CIMIP5: variants seen among roughly 807,000 people sequenced by gnomAD.
The protein encoded by CIMIP5 is ciliary microtubule inner protein 5.
the CIMIP5 span, chr2:11,144,901 A>T: frequency 6.6e-6 from 1 of 151,648 alleles, no homozygotes; most frequent in Admixed American, 6.6e-5. Flanking sequence ...TGTAGCCTTG[A>T]ACTCCCGGGC....
chr2:11,150,639 A>AT, the CIMIP5 span, among the ~76,000 whole-genome samples: 3 of 126,122 alleles, frequency 2.4e-5, no homozygotes, highest in Admixed American at 1.6e-4. Context: ...GTGGTTTAGG[A>AT]ATTTTTTTTT....
At chr2:11,144,239 A>G in the CIMIP5 span, 3 of 719,340 alleles carry the variant, frequency 4.2e-6, no homozygotes, top group African/African-American at 1.8e-5. Context: ...AAGCTGCAGG[A>G]CACTCTTCCA....
the CIMIP5 span, among the ~76,000 whole-genome samples, chr2:11,139,397 A>G: frequency 1.3e-5 from 2 of 152,202 alleles, no homozygotes; most frequent in Admixed American, 1.3e-4. Context: ...GAGGATGGGG[A>G]CAGAGAAGGC....
At chr2:11,149,235 C>T in the CIMIP5 span, among the ~76,000 whole-genome samples, 3 of 151,388 alleles carry the variant, frequency 2.0e-5, no homozygotes, top group Non-Finnish European at 4.4e-5. Flanking sequence ...TCACCAATAA[C>T]AGGACAGCTG....
the CIMIP5 span, among the ~76,000 whole-genome samples, chr2:11,141,671 C>T: frequency 6.6e-6 from 1 of 152,086 alleles, no homozygotes; most frequent in East Asian, 1.9e-4. Flanking sequence ...CCAATTTCAC[C>T]AGCTGTGAAC....
At chr2:11,140,391 A>AG in the CIMIP5 span, 6 of 637,238 alleles carry the variant, frequency 9.4e-6, no homozygotes, top group Non-Finnish European at 1.5e-5. Flanking sequence ...AAAAAAAAAA[A>AG]AAAAAAATTA....
the CIMIP5 span, chr2:11,143,833 G>A: frequency 2.6e-6 from 3 of 1,154,344 alleles, no homozygotes; most frequent in East Asian, 2.9e-5. Flanking sequence ...CACAAAGAGA[G>A]GCAGCTGCTC....
chr2:11,146,527 G>A, the CIMIP5 span: 1 of 152,198 alleles, frequency 6.6e-6, no homozygotes, highest in African/African-American at 2.4e-5. Context: ...TAGATCATCG[G>A]TGTTTCCAGG....
At chr2:11,141,055 C>A in the CIMIP5 span, among the ~76,000 whole-genome samples, 5 of 151,760 alleles carry the variant, frequency 3.3e-5, no homozygotes, top group Non-Finnish European at 7.4e-5. Flanking sequence ...CTTACAAAGC[C>A]TCCTGTGATC....
chr2:11,134,935 G>A, the CIMIP5 span, among the ~76,000 whole-genome samples: 1,470 of 152,244 alleles, frequency 9.7e-3, 18 homozygotes, highest in African/African-American at 0.034. Context: ...TTCTGGTAAG[G>A]GCCTCAGGAA....
chr2:11,151,708 C>T, the CIMIP5 span, among the ~76,000 whole-genome samples: 1 of 152,216 alleles, frequency 6.6e-6, no homozygotes, highest in Non-Finnish European at 1.5e-5. Flanking sequence ...CGATCTCGGC[C>T]CAGTGCAACC....
chr2:11,143,126 G>A, the CIMIP5 span, among the ~76,000 whole-genome samples: 194 of 152,286 alleles, frequency 1.3e-3, no homozygotes, highest in African/African-American at 4.5e-3. Flanking sequence ...CAACCCAAGT[G>A]TGATCAGTGG....
chr2:11,140,086 C>CAAAAAAAA, the CIMIP5 span, among the ~76,000 whole-genome samples: 13 of 84,774 alleles, frequency 1.5e-4, no homozygotes, highest in African/African-American at 2.7e-4. Context: ...GACTCCCTCT[C>CAAAAAAAA]AAAAAAAAAA....
At chr2:11,133,723 A>G in the CIMIP5 span, 1 of 1,383,092 alleles carries the variant, frequency 7.2e-7, no homozygotes, top group Non-Finnish European at 9.5e-7. Context: ...GCCCGGGGGA[A>G]GGTGGGTCAC....
the CIMIP5 span, among the ~76,000 whole-genome samples, chr2:11,152,716 C>A: frequency 1.3e-5 from 2 of 152,120 alleles, no homozygotes; most frequent in African/African-American, 4.8e-5. Flanking sequence ...CGTCCAGACA[C>A]TCCCCAACCT....
chr2:11,143,564 T>A, the CIMIP5 span, among the ~76,000 whole-genome samples: 3 of 148,348 alleles, frequency 2.0e-5, no homozygotes, highest in South Asian at 4.2e-4. Flanking sequence ...AAGTACAAAT[T>A]TACCAAAAAA....
chr2:11,148,118 A>ATTT, the CIMIP5 span, among the ~76,000 whole-genome samples: 1,224 of 143,122 alleles, frequency 8.6e-3, 21 homozygotes, highest in African/African-American at 0.03. Flanking sequence ...CTTGCTTCAC[A>ATTT]TTTTTTTTTT....
the CIMIP5 span, chr2:11,140,647 C>CA: frequency 5.4e-5 from 51 of 946,930 alleles, no homozygotes; most frequent in Non-Finnish European, 8.1e-5. Context: ...TACTCTACAC[C>CA]AGATACTGGA....
At chr2:11,151,568 AATT>A in the CIMIP5 span, among the ~76,000 whole-genome samples, 2 of 152,188 alleles carry the variant, frequency 1.3e-5, no homozygotes, top group African/African-American at 4.8e-5. Flanking sequence ...ATTGGAGCTT[AATT>A]ATTACTCAAA....
Sources: gnomAD v4.1 joint callset for allele counts (sites outside exome capture counted in the v4.1 genomes callset) on GRCh38, gnomAD v4.1.1 for gene constraint, MANE v1.5 for transcripts, NCBI Gene and HGNC (gene_info 2026-07-23, HGNC 2026-07-21) for gene names.